The following GEMIN7 variants were observed in gnomAD, a reference collection of about 807,000 sequenced individuals.
GEMIN7 encodes gem-associated protein 7.
In GEMIN7, 7 loss-of-function variants were observed where a neutral mutation model predicts 7.8. The observed-to-expected ratio is 0.90, with a 90% CI of 0.51 to 1.69. GEMIN7 has a LOEUF of 1.69. Among genes scored for constraint, GEMIN7 ranks in the 40% most tolerant of loss-of-function variants. GEMIN7 has a pLI of 0.00. For missense variants in GEMIN7, 159 were observed against 176.2 expected (o/e 0.90, Z 0.55); for synonymous variants, 68 against 72.4 (o/e 0.94, Z 0.31).
rs1366748050 is a variant in GEMIN7 at position 45,090,363 on chromosome 19, C to T, written c.249C>T (p.His83=). The change falls in exon 3 of 3, where the codon CAC becomes CAT. Residue 83 remains histidine, a synonymous_variant. Transcript: ENST00000270257. ...MVGHQVSFTL[H]EGVRVAAHFG... ...GTCATCAGGTGAGCTTCACGTTGCACGAGGGTGTGCGTGTGGCCGCCCACT... is the reference window on the plus strand; with the variant it reads ...GTCATCAGGTGAGCTTCACGTTGCATGAGGGTGTGCGTGTGGCCGCCCACT... 3 of 1,614,154 alleles carry T rather than the reference C, an allele frequency of 1.9e-6. No homozygotes were observed. Among genetic ancestry groups the T allele is most frequent in the East Asian group, 2.2e-5 (1 of 44,890 alleles).
intron 2 of GEMIN7, among the ~76,000 whole-genome samples, chr19:45,086,110 G>A (rs1054761350): frequency 1.3e-4 from 19 of 150,926 alleles, no homozygotes; most frequent in South Asian, 6.3e-4. Flanking sequence ...CTCGTGATCC[G>A]CCTGCCTTGG....
chr19:45,086,212 G>A (rs1339573140), intron 2 of GEMIN7, among the ~76,000 whole-genome samples: 3 of 151,954 alleles, frequency 2.0e-5, no homozygotes, highest in South Asian at 2.1e-4. Context: ...GCAGTGAGCC[G>A]AGGTGGCACC....
chr19:45,090,088 CT>C lies in GEMIN7; in HGVS notation c.-8-14del, dbSNP rs1023655687. On this transcript the variant is annotated intron_variant, in intron 2 of 2. Transcript: ENST00000270257. ...GCTTACCATGTAATGACTTCCTGCT[CT>C]TTTTCTTCACTCAACAGCCAAGACA... The C allele has an allele frequency of 1.3e-6, 2 of 1,588,528 alleles. No individual in the cohort carries two copies. The highest frequency in any genetic ancestry group is 2.3e-5 in the East Asian group (1 of 44,406).
At chr19:45,076,614 C>G (rs191027748), upstream of GEMIN7, 12 of 329,218 alleles carry the variant, frequency 3.6e-5, no homozygotes, top group Non-Finnish European at 6.6e-5. The surrounding 1 kb of genome is among the most constrained non-coding windows in gnomAD (Gnocchi z 4.9). Flanking sequence ...GGCAGTGTCC[C>G]GTGCGTTTGG....
rs530454113 is a variant in GEMIN7 at position 45,080,199 on chromosome 19, G to A, written c.-9+170G>A. On this transcript the variant is annotated intron_variant, in intron 2 of 2. Coordinates refer to ENST00000270257, the MANE Select transcript of GEMIN7 (RefSeq NM_024707.3). ...AGGCCTCTGGGGCCAGGTCACCAGG[G>A]ACAATGGATAACGCCTGCCTCTACC... Among the ~76,000 whole-genome samples, 24 of 152,210 alleles carry A rather than the reference G, an allele frequency of 1.6e-4. No individual in the cohort carries two copies. The East Asian group carries it at 4.4e-3, about 28-fold the overall frequency.
chr19:45,079,054 C>A (rs1967413419), upstream of GEMIN7: 1 of 152,276 alleles, frequency 6.6e-6, no homozygotes, highest in South Asian at 2.1e-4. Flanking sequence ...GCATCCCAGA[C>A]GCCCCCAACT....
At chr19:45,081,524 GA>G (rs11292380) in intron 2 of GEMIN7, among the ~76,000 whole-genome samples, 81,261 of 144,402 alleles carry the variant, frequency 0.56, 23,035 homozygotes, top group African/African-American at 0.68. Context: ...TCCCTGTCAG[GA>G]AAAAAAAAAA....
At chr19:45,089,984 A>T (rs1414422688) in intron 2 of GEMIN7, 123 bp from the exon 3 acceptor site, 24 of 971,416 alleles carry the variant, frequency 2.5e-5, no homozygotes, top group Non-Finnish European at 3.7e-5. Flanking sequence ...AGGAGGGTGG[A>T]TCAGTCTGGG....
chr19:45,077,083 T>C (rs1163342954), upstream of GEMIN7, among the ~76,000 whole-genome samples: 1 of 151,996 alleles, frequency 6.6e-6, no homozygotes, highest in Non-Finnish European at 1.5e-5. Flanking sequence ...GGAAAGGGCA[T>C]GGTGGAGCTG....
chr19:45,090,315 C>A lies in GEMIN7; in HGVS notation c.201C>A (p.Leu67=). 1 of 1,614,202 alleles carries A rather than the reference C, an allele frequency of 6.2e-7. No homozygotes were observed. Among genetic ancestry groups the A allele is most frequent in the Non-Finnish European group, 8.5e-7 (1 of 1,180,046 alleles). The part of the protein sequence containing the change: ...RARAALRERY[L]RSLLAMVGHQ... ...GAGCCGCCCTTCGGGAGCGTTACCT[C>A]CGCAGCCTGCTGGCCATGGTGGGTC... Residue 67 remains leucine, a synonymous_variant, in exon 3 of 3, where the codon CTC becomes CTA. Transcript: ENST00000270257.
chr19:45,077,404 T>C (rs1323548153), upstream of GEMIN7, among the ~76,000 whole-genome samples: 6 of 152,154 alleles, frequency 3.9e-5, no homozygotes, highest in Non-Finnish European at 8.8e-5. Context: ...AGCAGTTCTG[T>C]CTGCTCACTG....
Position 45,088,321 on chromosome 19 carries a change from T to C in GEMIN7, c.-8-1786T>C, listed in dbSNP as rs1298977801. 2.6e-5 allele frequency among the ~76,000 whole-genome samples: 4 copies of C among 152,178 alleles called. No individual in the cohort carries two copies. In the East Asian group the frequency reaches 5.8e-4, roughly 22 times the overall value. ...TTTGAAGAGCCCAGGTTAGTTGTGC[T>C]GTTTTTGTTTTTGTTTTTTCTAAGA... On this transcript the variant is annotated intron_variant, in intron 2 of 2. Coordinates refer to ENST00000270257, the MANE Select transcript of GEMIN7 (RefSeq NM_024707.3).
At chr19:45,075,733 G>T (rs766442266), upstream of GEMIN7, 1 of 1,614,062 alleles carries the variant, frequency 6.2e-7, no homozygotes, top group Non-Finnish European at 8.5e-7. Flanking sequence ...GCCGCGGCTG[G>T]GGCCTCTGAA....
intron 2 of GEMIN7, chr19:45,085,426 G>A (rs1967647795): frequency 6.6e-6 from 1 of 152,186 alleles, no homozygotes; most frequent in African/African-American, 2.4e-5. Context: ...TTGAAGATGG[G>A]ATGCTACTGG....
At chr19:45,082,483 C>T (rs1486653391) in intron 2 of GEMIN7, among the ~76,000 whole-genome samples, 1 of 152,180 alleles carries the variant, frequency 6.6e-6, no homozygotes, top group Non-Finnish European at 1.5e-5. Flanking sequence ...GTCTGTGTCC[C>T]CTATTGGACT....
chr19:45,084,078 G>A (rs181995899), intron 2 of GEMIN7, among the ~76,000 whole-genome samples: 402 of 151,968 alleles, frequency 2.6e-3, no homozygotes, highest in South Asian at 5.8e-3. Flanking sequence ...GGGCGTGGTC[G>A]CGGGCACCTG....
Position 45,090,218 on chromosome 19 carries a change from G to A in GEMIN7, c.104G>A (p.Arg35Lys). 6.2e-7 allele frequency: 1 copy of A among 1,614,208 alleles called. No homozygotes were observed. ...CCTGATGGACGCAGAGCCCCCTTGA[G>A]GCCAGAGGTTCCTGAAATCCAGGAG... ...FAPDGRRAPL[R>K]PEVPEIQECP... The change falls in exon 3 of 3, where the codon AGG (arginine) becomes AAG (lysine). Residue 35 changes from arginine (R) to lysine (K), a missense_variant. Coordinates refer to ENST00000270257, the MANE Select transcript of GEMIN7 (RefSeq NM_024707.3).
Position 45,090,307 on chromosome 19 carries a change from C to G in GEMIN7, c.193C>G (p.Arg65Gly), listed in dbSNP as rs977717051. 1.2e-6 allele frequency: 2 copies of G among 1,614,052 alleles called. No homozygotes were observed. Among genetic ancestry groups the G allele is most frequent in the African/African-American group, 1.3e-5 (1 of 74,938 alleles). ...GCGGGCACGAGCCGCCCTTCGGGAG[C>G]GTTACCTCCGCAGCCTGCTGGCCAT... ...EQRARAALRE[R>G]YLRSLLAMVG... Residue 65 changes from arginine to glycine, a missense_variant, in exon 3 of 3, where the codon CGT (arginine) becomes GGT (glycine). Arg to Gly is a moderately radical substitution (Grantham distance 125). Coordinates refer to ENST00000270257, the MANE Select transcript of GEMIN7 (RefSeq NM_024707.3).
chr19:45,080,291 A>C (rs1351267540), intron 2 of GEMIN7, among the ~76,000 whole-genome samples: 1 of 152,028 alleles, frequency 6.6e-6, no homozygotes, highest in Non-Finnish European at 1.5e-5. Context: ...TTGGCTCCAC[A>C]GTCTGCCTTT....
Sources: gnomAD v4.1 joint callset for allele counts (sites outside exome capture counted in the v4.1 genomes callset) on GRCh38, gnomAD v4.1.1 for gene constraint, Gnocchi (gnomAD v3.1) non-coding constraint, MANE v1.5 for transcripts, NCBI Gene and HGNC (gene_info 2026-07-23, HGNC 2026-07-21) for gene names.